Variants in LRRC7 observed in about 807,000 individuals in gnomAD.
LRRC7 encodes leucine-rich repeat-containing protein 7.
In LRRC7, 23 loss-of-function variants were observed where a neutral mutation model predicts 175.7. The ratio of observed to expected loss-of-function variants is 0.13; its 90% CI spans 0.09 to 0.19. LRRC7 has a LOEUF of 0.19. Ranked by LOEUF, LRRC7 falls within the 10% of genes least tolerant of loss-of-function variation. LRRC7 has a pLI of 1.00. For missense variants in LRRC7, 1,354 were observed against 1,904.7 expected, an observed-to-expected ratio of 0.71 and a Z score of 5.38; for synonymous variants, 685 against 680.9, an observed-to-expected ratio of 1.01 and a Z score of -0.09.
intron 1 of LRRC7, among the ~76,000 whole-genome samples, chr1:69,614,861 A>T (rs1649367365): frequency 6.6e-6 from 1 of 152,098 alleles, no homozygotes; most frequent in African/African-American, 2.4e-5. Flanking sequence ...AAATTTACAG[A>T]CTAGGCATGG....
At chr1:69,928,617 C>T (rs2421314) in intron 7 of LRRC7, among the ~76,000 whole-genome samples, 1,633 of 152,300 alleles carry the variant, frequency 0.011, 20 homozygotes, top group African/African-American at 0.036. Flanking sequence ...GAGCCATGTG[C>T]GGGATGTAAT....
chr1:69,712,549 G>A (rs924438255), intron 2 of LRRC7, among the ~76,000 whole-genome samples: 1 of 152,124 alleles, frequency 6.6e-6, no homozygotes, highest in African/African-American at 2.4e-5. Flanking sequence ...CGGTTGCAGT[G>A]AGCCAAGATT....
intron 2 of LRRC7, among the ~76,000 whole-genome samples, chr1:69,693,833 CTCTT>C (rs1215723750): frequency 1.3e-5 from 2 of 152,194 alleles, no homozygotes; most frequent in African/African-American, 2.4e-5. Context: ...CATAGTCAAT[CTCTT>C]TCTTTCTTTA....
chr1:70,077,063 C>A (rs1357440620), intron 24 of LRRC7, among the ~76,000 whole-genome samples: 1 of 152,124 alleles, frequency 6.6e-6, no homozygotes, highest in African/African-American at 2.4e-5. Context: ...ACTGACTTTT[C>A]TAACTTTTAA....
At chr1:70,023,960 G>C (rs531552895) in intron 17 of LRRC7, among the ~76,000 whole-genome samples, 2 of 152,064 alleles carry the variant, frequency 1.3e-5, no homozygotes, top group South Asian at 4.2e-4. Context: ...CCTTATCTCT[G>C]TGGTTGGGTG....
intron 5 of LRRC7, among the ~76,000 whole-genome samples, chr1:69,833,378 C>T (rs532657339): frequency 2.4e-4 from 36 of 151,988 alleles, no homozygotes; most frequent in African/African-American, 8.4e-4. Flanking sequence ...GAGTAGTAAA[C>T]ATGATTCAGG....
chr1:69,652,213 T>C (rs147076650), intron 1 of LRRC7, among the ~76,000 whole-genome samples: 19 of 149,920 alleles, frequency 1.3e-4, no homozygotes, highest in African/African-American at 4.7e-4. Flanking sequence ...TACAATTTTC[T>C]CTGTTCACAG....
intron 7 of LRRC7, chr1:69,874,762 C>G (rs545324752): frequency 3.6e-4 from 55 of 152,078 alleles, no homozygotes; most frequent in Non-Finnish European, 6.8e-4. Context: ...TTGTATAAAA[C>G]AGATATCTGA....
intron 7 of LRRC7, among the ~76,000 whole-genome samples, chr1:69,877,845 G>T (rs779513162): frequency 6.6e-6 from 1 of 152,046 alleles, no homozygotes; most frequent in South Asian, 2.1e-4. Flanking sequence ...AACCTGTAGT[G>T]AGGTTTCTGC....
At chr1:69,613,586 G>T (rs1649147325) in intron 1 of LRRC7, among the ~76,000 whole-genome samples, 1 of 152,030 alleles carries the variant, frequency 6.6e-6, no homozygotes, top group Non-Finnish European at 1.5e-5. Context: ...TTCTTTGCCT[G>T]CATTTTCAAT....
At chr1:70,000,038 A>G (rs1655381207) in intron 11 of LRRC7, among the ~76,000 whole-genome samples, 1 of 152,140 alleles carries the variant, frequency 6.6e-6, no homozygotes, top group African/African-American at 2.4e-5. Context: ...AGTACTTTCA[A>G]TTCCCACCCT....
intron 7 of LRRC7, among the ~76,000 whole-genome samples, chr1:69,876,665 C>A (rs1686071846): frequency 6.6e-6 from 1 of 152,130 alleles, no homozygotes; most frequent in African/African-American, 2.4e-5. Context: ...ATAGATAGAA[C>A]ATCTGAAATC....
intron 7 of LRRC7, among the ~76,000 whole-genome samples, chr1:69,906,945 G>A (rs1037351377): frequency 1.3e-5 from 2 of 152,014 alleles, no homozygotes; most frequent in African/African-American, 4.8e-5. Flanking sequence ...TTGAGCAGTG[G>A]TTTGTAGTTC....
At chr1:69,950,271 G>T (rs1055165889) in intron 8 of LRRC7, among the ~76,000 whole-genome samples, 1 of 152,114 alleles carries the variant, frequency 6.6e-6, no homozygotes, top group Non-Finnish European at 1.5e-5. Context: ...GAAAACTGAA[G>T]AGTGACTTTT....
chr1:69,912,845 T>C lies in LRRC7; in HGVS notation c.648-18662T>C, dbSNP rs563308102. 2.0e-5 allele frequency among the ~76,000 whole-genome samples: 3 copies of C among 152,342 alleles called. No homozygotes were observed. In the East Asian group the frequency reaches 5.8e-4, roughly 29 times the overall value. ...TTTGTCCTATAGCCAGTTGCTGTTA[T>C]TAAGGTACAATTTTACAACTTAATC... On this transcript the variant is annotated intron_variant, in intron 7 of 26. Coordinates refer to ENST00000651989, the MANE Select transcript of LRRC7 (RefSeq NM_001370785.2).
intron 9 of LRRC7, among the ~76,000 whole-genome samples, chr1:69,983,686 G>A (rs1371352618): frequency 6.6e-6 from 1 of 152,156 alleles, no homozygotes; most frequent in Non-Finnish European, 1.5e-5. Context: ...AGTGATCTTT[G>A]AAGTGCCAGC....
intron 23 of LRRC7, among the ~76,000 whole-genome samples, chr1:70,073,835 C>T (rs1662572567): frequency 6.6e-6 from 1 of 152,170 alleles, no homozygotes. Flanking sequence ...TAGTTCCATC[C>T]CCGGCTCCTC....
At chr1:69,727,314 A>G (rs1361416521) in intron 2 of LRRC7, among the ~76,000 whole-genome samples, 2 of 152,326 alleles carry the variant, frequency 1.3e-5, no homozygotes, top group East Asian at 3.9e-4. Flanking sequence ...GAGAGAATGA[A>G]GAAAATGAAT....
intron 2 of LRRC7, among the ~76,000 whole-genome samples, chr1:69,691,797 CAAAAAAAA>C (rs57676937): frequency 3.5e-5 from 3 of 85,212 alleles, no homozygotes; most frequent in Admixed American, 1.4e-4. Context: ...GACCCTGTCT[CAAAAAAAA>C]AAAAAAAAAA....
Sources: allele counts gnomAD v4.1 joint callset (sites outside exome capture counted in the v4.1 genomes callset), GRCh38; gene constraint gnomAD v4.1.1; transcripts MANE v1.5; gene names NCBI Gene and HGNC (gene_info 2026-07-23, HGNC 2026-07-21).